The following ERG variants were observed in gnomAD, a reference collection of about 807,000 sequenced individuals.
ERG encodes the protein transcriptional regulator ERG.
ERG carries 9 observed loss-of-function variants against 55.3 expected under a neutral mutation model. The observed-to-expected ratio is 0.16, with a 90% CI of 0.10 to 0.28. The LOEUF (loss-of-function observed/expected upper bound fraction) is 0.28. Among genes scored for constraint, ERG ranks in the 10% least tolerant of loss-of-function variants. The probability of loss-of-function intolerance (pLI) is 1.00; values close to 1 mark genes in which losing one functional copy is unlikely to be tolerated. For synonymous variants in ERG, 223 were observed against 237.3 expected (o/e 0.94, Z 0.55); for missense variants, 434 against 631.6 (o/e 0.69, Z 3.35).
Position 38,381,474 on chromosome 21 carries a change from C to T in ERG, c.*1929G>A. ...CTAGTGAATCCCAAGCCACAGTGCC[C>T]AGGTAACTCTGATGTAGCAGGACTA... On this transcript the variant is annotated 3_prime_UTR_variant, in exon 10 of 10. Coordinates refer to ENST00000288319, the MANE Select transcript of ERG (RefSeq NM_182918.4). The T allele has an allele frequency of 2.8e-6, 3 of 1,063,464 alleles. No homozygotes were observed. Among genetic ancestry groups the T allele is most frequent in the Non-Finnish European group, 1.1e-6 (1 of 878,148 alleles). The allele number at this position is 1,063,464 out of a possible 1,614,324, so 65.9% of individuals were successfully genotyped here.
chr21:38,416,077 C>T (rs1989265460), intron 3 of ERG, among the ~76,000 whole-genome samples: 1 of 152,150 alleles, frequency 6.6e-6, no homozygotes, highest in South Asian at 2.1e-4. Context: ...GGGGGAATGT[C>T]AATATTTAGG....
intron 1 of ERG, chr21:38,584,828 G>A (rs1251268633): frequency 6.6e-6 from 1 of 152,110 alleles, no homozygotes; most frequent in African/African-American, 2.4e-5. Context: ...GATTATTTGG[G>A]TTCTGTTCAT....
At chr21:38,542,942 C>T (rs966984674) in intron 2 of ERG, among the ~76,000 whole-genome samples, 2 of 152,148 alleles carry the variant, frequency 1.3e-5, no homozygotes, top group African/African-American at 4.8e-5. Flanking sequence ...AGACGACAGC[C>T]ATCAAGCAGC....
chr21:38,400,543 A>G (rs748270921), intron 6 of ERG, 31 bp downstream of exon 6: 8 of 1,550,124 alleles, frequency 5.2e-6, no homozygotes, highest in South Asian at 4.5e-5. Context: ...ATGTCTCTCA[A>G]TGAAGAGATC....
intron 1 of ERG, among the ~76,000 whole-genome samples, chr21:38,497,030 T>C (rs1269273980): frequency 6.6e-6 from 1 of 152,250 alleles, no homozygotes; most frequent in Non-Finnish European, 1.5e-5. Context: ...CTCTCAATTT[T>C]ATAATTCCTG....
intron 2 of ERG, among the ~76,000 whole-genome samples, chr21:38,545,662 G>A (rs1219207376): frequency 6.6e-6 from 1 of 152,150 alleles, no homozygotes; most frequent in Non-Finnish European, 1.5e-5. Context: ...ACAATTCTCA[G>A]ACACAACGAT....
upstream of ERG, among the ~76,000 whole-genome samples, chr21:38,586,518 T>A (rs1172284170): frequency 6.6e-6 from 1 of 152,056 alleles, no homozygotes; most frequent in African/African-American, 2.4e-5. Context: ...ATCGAAATCA[T>A]GATGAGTGTC....
intron 1 of ERG, among the ~76,000 whole-genome samples, chr21:38,489,109 C>T (rs1015267165): frequency 3.9e-5 from 6 of 152,106 alleles, no homozygotes; most frequent in Admixed American, 6.5e-5. Flanking sequence ...AGGAAGTGAA[C>T]GCAGGAAGTA....
At chr21:38,565,112 TG>T (rs1479652768) in intron 2 of ERG, among the ~76,000 whole-genome samples, 2 of 152,152 alleles carry the variant, frequency 1.3e-5, no homozygotes, top group African/African-American at 4.8e-5. Context: ...AAGTCATCCT[TG>T]ACTCTCCTAC....
chr21:38,588,298 T>C (rs2060079036), upstream of ERG, among the ~76,000 whole-genome samples: 1 of 146,386 alleles, frequency 6.8e-6, no homozygotes, highest in African/African-American at 2.4e-5. Flanking sequence ...AGGAGTCACA[T>C]GACCTGAAGA....
Position 38,482,683 on chromosome 21 carries a change from CT to C in ERG, c.18+15679del, listed in dbSNP as rs35326459. Among the ~76,000 whole-genome samples the C allele has an allele frequency of 3.0e-3, 430 of 145,608 alleles. 1 individual carries two copies. Among genetic ancestry groups the C allele is most frequent in the African/African-American group, 7.0e-3 (277 of 39,818 alleles). ...TATATACAACGGAATATCATTTAGC[CT>C]TTTTTTTTTTTGAGATGGAATCTCA... On this transcript the variant is annotated intron_variant, in intron 1 of 9. Transcript: ENST00000288319.
At chr21:38,610,981 G>T (rs2060223333) in intron 1 of ERG, among the ~76,000 whole-genome samples, 1 of 152,176 alleles carries the variant, frequency 6.6e-6, no homozygotes, top group Non-Finnish European at 1.5e-5. Flanking sequence ...CACCATAACT[G>T]CCTTGGAGGG....
intron 1 of ERG, among the ~76,000 whole-genome samples, chr21:38,633,088 AC>A (rs2060366720): frequency 1.3e-5 from 2 of 152,226 alleles, no homozygotes; most frequent in Admixed American, 1.3e-4. Flanking sequence ...ACATGAATGA[AC>A]CTTGAGGACA....
At chr21:38,427,616 T>C (rs2836384) in intron 2 of ERG, among the ~76,000 whole-genome samples, 64,822 of 151,900 alleles carry the variant, frequency 0.43, 14,242 homozygotes, top group East Asian at 0.67. Context: ...TTCTTAACCC[T>C]GAACAGAATG....
chr21:38,546,357 A>G (rs899688963), intron 2 of ERG, among the ~76,000 whole-genome samples: 10 of 152,192 alleles, frequency 6.6e-5, no homozygotes, highest in African/African-American at 2.4e-4. Context: ...ACGAAAAGAT[A>G]GTACTGTGCT....
At chr21:38,449,603 A>G (rs765196101) in intron 1 of ERG, among the ~76,000 whole-genome samples, 4 of 152,222 alleles carry the variant, frequency 2.6e-5, no homozygotes, top group Non-Finnish European at 5.9e-5. Flanking sequence ...AGAACACTGA[A>G]AAAGAAAACT....
downstream of ERG, among the ~76,000 whole-genome samples, chr21:38,378,123 G>A (rs1186506299): frequency 6.6e-6 from 1 of 152,144 alleles, no homozygotes; most frequent in Admixed American, 6.6e-5. Context: ...CTAATGTACT[G>A]CTGACTCTTA....
intron 2 of ERG, among the ~76,000 whole-genome samples, chr21:38,505,276 C>T (rs2059451743): frequency 6.6e-6 from 1 of 152,154 alleles, no homozygotes; most frequent in South Asian, 2.1e-4. Context: ...GAGTCTGTCT[C>T]AGCGCAGTAA....
intron 1 of ERG, among the ~76,000 whole-genome samples, chr21:38,613,021 A>G (rs1018704715): frequency 6.6e-6 from 1 of 152,078 alleles, no homozygotes; most frequent in Non-Finnish European, 1.5e-5. Flanking sequence ...CTGTAGATGT[A>G]TATTACTAAC....
Sources: gnomAD v4.1 joint callset for allele counts (sites outside exome capture counted in the v4.1 genomes callset) on GRCh38, gnomAD v4.1.1 for gene constraint, MANE v1.5 for transcripts, NCBI Gene and HGNC (gene_info 2026-07-23, HGNC 2026-07-21) for gene names.